HMGCLL1: variants seen among roughly 807,000 people sequenced by gnomAD.
HMGCLL1 encodes the protein 3-hydroxymethyl-3-methylglutaryl-CoA lyase, cytoplasmic.
HMGCLL1 carries 36 observed loss-of-function variants against 39.1 expected under a neutral mutation model. The observed-to-expected ratio is 0.92, with a 90% CI of 0.71 to 1.22. HMGCLL1 has a LOEUF of 1.22. Among genes scored for constraint, HMGCLL1 ranks in the 50% most tolerant of loss-of-function variants. HMGCLL1 has a pLI of 0.00. For synonymous variants in HMGCLL1, 149 were observed against 144.0 expected, an observed-to-expected ratio of 1.03 and a Z score of -0.25; for missense variants, 451 against 416.5, an observed-to-expected ratio of 1.08 and a Z score of -0.72.
At chr6:55,615,297 A>AACAAAATGT in the HMGCLL1 span, among the ~76,000 whole-genome samples, 2,127 of 152,288 alleles carry the variant, frequency 0.014, 39 homozygotes, top group African/African-American at 0.048. Flanking sequence ...AAATGATAGC[A>AACAAAATGT]ACAAAATGTT....
the HMGCLL1 span, among the ~76,000 whole-genome samples, chr6:55,614,882 C>A: frequency 6.6e-6 from 1 of 151,980 alleles, no homozygotes; most frequent in Admixed American, 6.6e-5. Flanking sequence ...AGGCTGGGTG[C>A]AGAGCCTCAT....
chr6:55,503,289 CAA>C (rs1336081581), intron 5 of HMGCLL1, among the ~76,000 whole-genome samples: 1 of 151,788 alleles, frequency 6.6e-6, no homozygotes, highest in Non-Finnish European at 1.5e-5. Flanking sequence ...TTTGCATTGG[CAA>C]AGAGGTGATG....
chr6:55,548,098 C>A (rs1258260715), intron 1 of HMGCLL1, among the ~76,000 whole-genome samples: 1 of 151,962 alleles, frequency 6.6e-6, no homozygotes, highest in African/African-American at 2.4e-5. Flanking sequence ...TTGTAATGTA[C>A]TATTATGTCA....
At chr6:55,449,920 ATT>A (rs5876449) in intron 7 of HMGCLL1, among the ~76,000 whole-genome samples, 64 of 150,594 alleles carry the variant, frequency 4.2e-4, no homozygotes, top group African/African-American at 4.6e-4. Context: ...TATTGCTACT[ATT>A]TTTTTTTTAC....
intron 7 of HMGCLL1, among the ~76,000 whole-genome samples, chr6:55,491,554 C>A (rs887202866): frequency 8.5e-5 from 13 of 152,224 alleles, no homozygotes; most frequent in African/African-American, 2.9e-4. Flanking sequence ...TTTGTGCTAC[C>A]AATCAATGTG....
At position 55,472,593 on chromosome 6, in the gene HMGCLL1, T is replaced by C. The variant is rs914606028; in HGVS notation, c.795+22826A>G. 1.6e-4 allele frequency among the ~76,000 whole-genome samples: 24 copies of C among 151,506 alleles called. No homozygotes were observed. In the East Asian group the frequency reaches 4.6e-3, roughly 29 times the overall value. On this transcript the variant is annotated intron_variant, in intron 7 of 8. Coordinates refer to ENST00000274901, the MANE Select transcript of HMGCLL1 (RefSeq NM_001042406.2). ...TGACTTGTTATTCAATCTTATAATA[T>C]ATATTTTTGTTTTAATTTTTATTTA... is the stretch of plus-strand genomic sequence containing the variant.
chr6:55,675,845 T>G, the HMGCLL1 span, among the ~76,000 whole-genome samples: 1 of 152,138 alleles, frequency 6.6e-6, no homozygotes, highest in Non-Finnish European at 1.5e-5. Flanking sequence ...AATTACATCG[T>G]TCTTTGTGTT....
At chr6:55,623,428 A>T in the HMGCLL1 span, among the ~76,000 whole-genome samples, 12 of 151,714 alleles carry the variant, frequency 7.9e-5, no homozygotes, top group African/African-American at 2.7e-4. Flanking sequence ...TATCCAATAG[A>T]TTTTCGTGTG....
the HMGCLL1 span, among the ~76,000 whole-genome samples, chr6:55,662,776 C>T: frequency 6.6e-6 from 1 of 151,726 alleles, no homozygotes; most frequent in Non-Finnish European, 1.5e-5. Flanking sequence ...TTTCTTTGTA[C>T]ATCTGGTAGA....
chr6:55,673,227 C>T, the HMGCLL1 span, among the ~76,000 whole-genome samples: 34 of 152,056 alleles, frequency 2.2e-4, no homozygotes, highest in East Asian at 6.6e-3. Context: ...AGGCAGGAAA[C>T]TGGTTTCTCT....
intron 1 of HMGCLL1, chr6:55,566,724 T>C: frequency 2.2e-6 from 1 of 447,468 alleles, no homozygotes; most frequent in East Asian, 7.0e-5. Context: ...AGTTGGAATC[T>C]AATTTCTCTG....
At chr6:55,610,203 A>T in the HMGCLL1 span, among the ~76,000 whole-genome samples, 2 of 152,232 alleles carry the variant, frequency 1.3e-5, no homozygotes, top group African/African-American at 4.8e-5. Flanking sequence ...TGACAGAAGT[A>T]GGCTTCAGAA....
chr6:55,460,185 G>A (rs572361930), intron 7 of HMGCLL1, among the ~76,000 whole-genome samples: 2 of 152,066 alleles, frequency 1.3e-5, no homozygotes, highest in East Asian at 3.9e-4. Context: ...AAATTTTAGA[G>A]AGGTGGGACT....
intron 1 of HMGCLL1, among the ~76,000 whole-genome samples, chr6:55,550,829 A>G (rs1271702934): frequency 1.3e-5 from 2 of 151,694 alleles, no homozygotes; most frequent in Non-Finnish European, 2.9e-5. Flanking sequence ...GCTGGGCACT[A>G]CTGGCATCTA....
intron 1 of HMGCLL1, among the ~76,000 whole-genome samples, chr6:55,566,885 G>A (rs1441545087): frequency 6.6e-6 from 1 of 152,076 alleles, no homozygotes; most frequent in Non-Finnish European, 1.5e-5. Context: ...AGATATATTT[G>A]ATGTAATTAA....
intron 4 of HMGCLL1, 113 bp from the exon 5 acceptor site, chr6:55,514,309 C>T: frequency 1.4e-6 from 1 of 723,050 alleles, no homozygotes; most frequent in Non-Finnish European, 2.1e-6. Flanking sequence ...TTAATATTTG[C>T]CTTAGAATTT....
At chr6:55,604,307 A>G in the HMGCLL1 span, among the ~76,000 whole-genome samples, 1 of 152,270 alleles carries the variant, frequency 6.6e-6, no homozygotes, top group East Asian at 1.9e-4. Context: ...AATCATATAC[A>G]TTCTTTAACT....
At chr6:55,676,288 A>T in the HMGCLL1 span, among the ~76,000 whole-genome samples, 2 of 152,180 alleles carry the variant, frequency 1.3e-5, no homozygotes, top group Non-Finnish European at 2.9e-5. Context: ...TGTCTCAGCT[A>T]CCATAAACTA....
At chr6:55,675,868 C>T in the HMGCLL1 span, among the ~76,000 whole-genome samples, 1 of 151,912 alleles carries the variant, frequency 6.6e-6, no homozygotes, top group African/African-American at 2.4e-5. Flanking sequence ...TGTGTGTGTG[C>T]TAATTCTTAT....
Sources: gnomAD v4.1 joint callset for allele counts (sites outside exome capture counted in the v4.1 genomes callset) on GRCh38, gnomAD v4.1.1 for gene constraint, MANE v1.5 for transcripts, NCBI Gene and HGNC (gene_info 2026-07-23, HGNC 2026-07-21) for gene names.